FSD2: variants seen among roughly 807,000 people sequenced by gnomAD.
FSD2 encodes fibronectin type III and SPRY domain-containing protein 2.
A neutral mutation model predicts 80.4 loss-of-function variants in FSD2; 71 were observed. The observed-to-expected ratio is 0.88, with a 90% CI of 0.73 to 1.08. The LOEUF is 1.08. FSD2 is among the 50% of genes least tolerant of loss of function. The probability of loss-of-function intolerance (pLI) is 0.00; values close to 1 mark genes in which losing one functional copy is unlikely to be tolerated. For synonymous variants in FSD2, 361 were observed against 329.5 expected (o/e 1.10, Z -1.03); for missense variants, 923 against 913.8 (o/e 1.01, Z -0.13).
intron 7 of FSD2, among the ~76,000 whole-genome samples, chr15:82,771,591 A>G (rs2049572371): frequency 6.6e-6 from 1 of 152,224 alleles, no homozygotes; most frequent in Non-Finnish European, 1.5e-5. Flanking sequence ...TCTCCTGGGA[A>G]CGTGGAGCTG....
At chr15:82,794,156 C>A (rs1404633177) in intron 1 of FSD2, among the ~76,000 whole-genome samples, 3 of 151,938 alleles carry the variant, frequency 2.0e-5, no homozygotes, top group Non-Finnish European at 4.4e-5. Flanking sequence ...TTTTGCTGTA[C>A]CCTACAAGTT....
chr15:82,775,116 C>A (rs1046487838), intron 6 of FSD2, among the ~76,000 whole-genome samples: 1 of 151,274 alleles, frequency 6.6e-6, no homozygotes, highest in South Asian at 2.1e-4. Context: ...TCATATAATC[C>A]GACTGGCCAT....
At chr15:82,783,498 C>A (rs1449731637) in intron 3 of FSD2, among the ~76,000 whole-genome samples, 1 of 152,200 alleles carries the variant, frequency 6.6e-6, no homozygotes, top group African/African-American at 2.4e-5. Flanking sequence ...GGAATGGAAA[C>A]TGGAGGTGCT....
rs770860461 is a variant in FSD2, at chr15:82,772,026, C to T, written c.1267+47G>A. ...AGACAGGGCCCAGGCCCCTGAGGGG[C>T]CTGAACTGTTCCCATGAGCACGGGC... is the stretch of plus-strand genomic sequence containing the variant. On this transcript the variant is annotated intron_variant, in intron 7 of 12. Transcript: ENST00000334574. The T allele has an allele frequency of 4.7e-6, 7 of 1,497,460 alleles. No individual in the cohort carries two copies. In the Middle Eastern group the frequency reaches 6.5e-4, roughly 139 times the overall value. The allele number at this position is 1,497,460 out of a possible 1,614,324, so 92.8% of individuals were successfully genotyped here.
Position 82,759,587 on chromosome 15 carries a change from AT to A in FSD2, c.2010del (p.Glu670AspfsTer11). 6.3e-7 allele frequency: 1 copy of A among 1,579,050 alleles called. No homozygotes were observed. The highest frequency in any genetic ancestry group is 1.3e-5 in the African/African-American group (1 of 74,140). The part of the protein sequence containing the change: ...HTFASSRHKY[E>X]FLHNRTTPDI... ...TCTGGAGTTGTTCTGTTGTGCAGAA[AT>A]TCATACTTATGCCTGAAAATTAAAT... is the stretch of plus-strand genomic sequence containing the variant. On this transcript the variant is annotated frameshift_variant, in exon 13 of 13. Coordinates refer to ENST00000334574, the MANE Select transcript of FSD2 (RefSeq NM_001007122.4). LOFTEE classifies it high-confidence loss of function.
chr15:82,787,541 C>A, intron 1 of FSD2, 73 bp from the exon 2 acceptor site: 1 of 665,208 alleles, frequency 1.5e-6, no homozygotes, highest in East Asian at 2.8e-5. Context: ...AGATTGGGCT[C>A]TACTCATATA....
At chr15:82,782,121 CAT>C (rs2049879100) in intron 4 of FSD2, among the ~76,000 whole-genome samples, 1 of 139,704 alleles carries the variant, frequency 7.2e-6, no homozygotes, top group Non-Finnish European at 1.5e-5. Context: ...CTTGGCCGGG[CAT>C]GGTGGCTCAC....
intron 3 of FSD2, among the ~76,000 whole-genome samples, chr15:82,785,623 C>T (rs2049977625): frequency 6.6e-6 from 1 of 152,104 alleles, no homozygotes; most frequent in South Asian, 2.1e-4. Flanking sequence ...CGTGCCCAGC[C>T]ATAAATTTAT....
intron 6 of FSD2, among the ~76,000 whole-genome samples, chr15:82,776,116 C>G (rs1218472340): frequency 6.6e-6 from 1 of 152,058 alleles, no homozygotes; most frequent in Non-Finnish European, 1.5e-5. Flanking sequence ...GAGACCTCAT[C>G]TCTACAAAAA....
chr15:82,765,518 A>G (rs1234967685), intron 10 of FSD2, among the ~76,000 whole-genome samples: 2 of 152,286 alleles, frequency 1.3e-5, no homozygotes, highest in Non-Finnish European at 2.9e-5. Flanking sequence ...AACAGGTGTC[A>G]CTATTTCCAT....
chr15:82,774,804 C>T (rs1596240295), intron 6 of FSD2, among the ~76,000 whole-genome samples: 2 of 151,718 alleles, frequency 1.3e-5, no homozygotes, highest in African/African-American at 4.8e-5. Context: ...TCACCACAGT[C>T]TCCACCTCCC....
At chr15:82,771,021 C>T (rs1047663535) in intron 7 of FSD2, among the ~76,000 whole-genome samples, 5 of 152,138 alleles carry the variant, frequency 3.3e-5, no homozygotes, top group African/African-American at 1.2e-4. Flanking sequence ...TCGCCCCTCT[C>T]CATGTCCTCT....
At position 82,786,781 on chromosome 15, in the gene FSD2, G is replaced by C. The variant is rs757475880; in HGVS notation, c.610C>G (p.Pro204Ala). The C allele has an allele frequency of 1.2e-6, 2 of 1,613,802 alleles. No individual in the cohort carries two copies. Among genetic ancestry groups the C allele is most frequent in the South Asian group, 2.2e-5 (2 of 91,070 alleles). ...GCACTTTCCAGTGCTTCATTGAGTG[G>C]GATCACTTCATGCTCCTTATGTTCA... Reference protein sequence around the residue: ...FDEHKEHEVIPLNEALESAKD... With the variant: ...FDEHKEHEVIALNEALESAKD... Residue 204 changes from proline (P) to alanine (A), a missense_variant, in exon 2 of 13, where the codon CCA becomes GCA. Physicochemically the swap from Pro to Ala is conservative, Grantham distance 27 (BLOSUM62 -1). Transcript: ENST00000334574.
chr15:82,804,731 G>C (rs1385018210), intron 1 of FSD2, among the ~76,000 whole-genome samples: 1 of 152,186 alleles, frequency 6.6e-6, no homozygotes, highest in Non-Finnish European at 1.5e-5. Context: ...CAGAAGACTG[G>C]AAAACACTTA....
chr15:82,769,959 C>G (rs2049524648), intron 7 of FSD2, 75 bp from the exon 8 acceptor site: 1 of 1,564,982 alleles, frequency 6.4e-7, no homozygotes, highest in Non-Finnish European at 8.7e-7. Context: ...CCGAATCCCA[C>G]AGTAGTAGAT....
At chr15:82,805,252 T>C (rs993424897) in intron 1 of FSD2, among the ~76,000 whole-genome samples, 1 of 151,972 alleles carries the variant, frequency 6.6e-6, no homozygotes, top group African/African-American at 2.4e-5. Flanking sequence ...TATTAACCTT[T>C]TATGGATCAT....
chr15:82,790,536 G>A (rs2050115483), intron 1 of FSD2, among the ~76,000 whole-genome samples: 1 of 150,804 alleles, frequency 6.6e-6, no homozygotes, highest in Non-Finnish European at 1.5e-5. Flanking sequence ...CTGGCACAGA[G>A]CTGCCATTTG....
At chr15:82,772,666 A>G (rs1871093634) in intron 6 of FSD2, among the ~76,000 whole-genome samples, 1 of 152,190 alleles carries the variant, frequency 6.6e-6, no homozygotes, top group African/African-American at 2.4e-5. Flanking sequence ...AACATCTCCC[A>G]CATTAATGAG....
At chr15:82,766,688 A>G (rs137885987) in intron 9 of FSD2, among the ~76,000 whole-genome samples, 1,885 of 150,032 alleles carry the variant, frequency 0.013, 37 homozygotes, top group African/African-American at 0.044. Context: ...GTTGCAGTGA[A>G]CCGAGATCAT....
Sources: gnomAD v4.1 joint callset for allele counts (sites outside exome capture counted in the v4.1 genomes callset) on GRCh38, gnomAD v4.1.1 for gene constraint, MANE v1.5 for transcripts, NCBI Gene and HGNC (gene_info 2026-07-23, HGNC 2026-07-21) for gene names.